RAB3C: variants seen among roughly 807,000 people sequenced by gnomAD.
RAB3C encodes the protein RAB3C, member RAS oncogene family.
Under a neutral mutation model 26.4 loss-of-function variants are expected in RAB3C, and 17 were observed. The observed-to-expected ratio is 0.64, with a 90% CI of 0.44 to 0.97. The LOEUF is 0.97. Among genes scored for constraint, RAB3C ranks in the 50% least tolerant of loss-of-function variants. RAB3C has a pLI of 0.00. For missense variants in RAB3C, 242 were observed against 281.9 expected (o/e 0.86, Z 1.01); for synonymous variants, 91 against 95.9 (o/e 0.95, Z 0.30).
At chr5:58,670,709 A>C (rs1011031445) in intron 2 of RAB3C, among the ~76,000 whole-genome samples, 2 of 152,208 alleles carry the variant, frequency 1.3e-5, no homozygotes, top group African/African-American at 4.8e-5. Flanking sequence ...TAACTGTTAA[A>C]GTACATTAAG....
chr5:58,653,569 C>A (rs1447475848), intron 2 of RAB3C, among the ~76,000 whole-genome samples: 1 of 152,126 alleles, frequency 6.6e-6, no homozygotes, highest in African/African-American at 2.4e-5. Flanking sequence ...CAATTATAGA[C>A]TGGATAAAGA....
intron 3 of RAB3C, among the ~76,000 whole-genome samples, chr5:58,742,289 G>A (rs1225969536): frequency 1.3e-5 from 2 of 152,106 alleles, no homozygotes; most frequent in Non-Finnish European, 2.9e-5. Context: ...TAGTGCTAAG[G>A]CCAGTATGAC....
intron 3 of RAB3C, among the ~76,000 whole-genome samples, chr5:58,745,392 C>CAAAAAAAA (rs1173604247): frequency 1.1e-3 from 36 of 33,106 alleles, no homozygotes; most frequent in African/African-American, 3.2e-3. Context: ...GACTCTGCTT[C>CAAAAAAAA]AAAAAAAAAA....
rs150876993 is a variant in RAB3C at position 58,729,110 on chromosome 5, A to G, written c.371+2990A>G. On this transcript the variant is annotated intron_variant, in intron 3 of 4. Coordinates refer to ENST00000282878, the MANE Select transcript of RAB3C (RefSeq NM_138453.4). ...ACACCCTCATCTCTGCACCCACACT[A>G]CCCTGGCACTTTCTGCAGATCACGT... is the stretch of plus-strand genomic sequence containing the variant. 3.2e-3 allele frequency among the ~76,000 whole-genome samples: 489 copies of G among 151,836 alleles called. 9 individuals carry two copies. The highest frequency in any genetic ancestry group is 0.026 in the East Asian group (135 of 5,144).
At chr5:58,823,644 C>G in intron 3 of RAB3C, 1 of 209,244 alleles carries the variant, frequency 4.8e-6, no homozygotes, top group South Asian at 9.2e-5. Flanking sequence ...GTCCCATGCC[C>G]AGAAGAAAGA....
intron 2 of RAB3C, among the ~76,000 whole-genome samples, chr5:58,711,663 G>T (rs533579649): frequency 1.7e-4 from 26 of 152,250 alleles, no homozygotes; most frequent in African/African-American, 6.3e-4. Context: ...GAAGATAGAT[G>T]ATATCATCAT....
chr5:58,691,138 C>T (rs1748562464), intron 2 of RAB3C, among the ~76,000 whole-genome samples: 1 of 151,932 alleles, frequency 6.6e-6, no homozygotes, highest in African/African-American at 2.4e-5. Flanking sequence ...TCTTTCAAGC[C>T]ACTAGTTCAT....
intron 1 of RAB3C, among the ~76,000 whole-genome samples, chr5:58,613,685 A>G (rs1246010631): frequency 6.6e-6 from 1 of 152,144 alleles, no homozygotes; most frequent in East Asian, 1.9e-4. Context: ...CAAGTGTGAT[A>G]AGATATAATG....
chr5:58,724,403 T>C (rs1042207955), intron 2 of RAB3C, among the ~76,000 whole-genome samples: 3 of 151,862 alleles, frequency 2.0e-5, no homozygotes, highest in Admixed American at 2.0e-4. Flanking sequence ...GCAGGTTTTT[T>C]TATTCCCATT....
At chr5:58,618,372 G>A (rs389117) in intron 2 of RAB3C, among the ~76,000 whole-genome samples, 100,294 of 152,080 alleles carry the variant, frequency 0.66, 33,980 homozygotes, top group African/African-American at 0.81. Flanking sequence ...TAGAACTTCA[G>A]AGATGGTCTA....
chr5:58,676,655 G>A (rs558826879), intron 2 of RAB3C, among the ~76,000 whole-genome samples: 61 of 152,210 alleles, frequency 4.0e-4, no homozygotes, highest in Admixed American at 1.8e-3. Flanking sequence ...CACCCCCTTA[G>A]CATGTCCTGC....
Position 58,655,940 on chromosome 5 carries a change from GCGCCCGCCACCACGC to G in RAB3C, c.252+38072_252+38086del, listed in dbSNP as rs758681826. Among the ~76,000 whole-genome samples, 9 of 151,986 alleles carry G rather than the reference GCGCCCGCCACCACGC, an allele frequency of 5.9e-5. No homozygotes were observed. The South Asian group carries it at 1.9e-3, about 32-fold the overall frequency. On this transcript the variant is annotated intron_variant, in intron 2 of 4. Transcript: ENST00000282878. Reference sequence around the variant, plus strand: ...CCTCTCCGAGTAGCTGGGACTACAGGCGCCCGCCACCACGCCCGGCTAATTTTTTTGTATTTTTAG... The same window carrying G: ...CCTCTCCGAGTAGCTGGGACTACAGGCCGGCTAATTTTTTTGTATTTTTAG...
intron 2 of RAB3C, among the ~76,000 whole-genome samples, chr5:58,664,773 A>T (rs1367725784): frequency 1.3e-5 from 2 of 152,104 alleles, no homozygotes; most frequent in African/African-American, 4.8e-5. Flanking sequence ...GTAGCTTCCC[A>T]TAATATACTA....
intron 4 of RAB3C, among the ~76,000 whole-genome samples, chr5:58,841,884 T>C (rs1743883288): frequency 6.6e-6 from 1 of 152,142 alleles, no homozygotes; most frequent in African/African-American, 2.4e-5. Flanking sequence ...CTTTGACAAA[T>C]CGTAGCTGTC....
At chr5:58,728,980 T>A (rs916995294) in intron 3 of RAB3C, among the ~76,000 whole-genome samples, 1 of 151,992 alleles carries the variant, frequency 6.6e-6, no homozygotes, top group Non-Finnish European at 1.5e-5. Flanking sequence ...AAAGTCTATT[T>A]ACTTTTCAAG....
intron 3 of RAB3C, among the ~76,000 whole-genome samples, chr5:58,778,829 A>G (rs927775208): frequency 1.3e-5 from 2 of 152,068 alleles, no homozygotes; most frequent in Non-Finnish European, 2.9e-5. Flanking sequence ...GACTCTTGCC[A>G]TTTCCACTCA....
At chr5:58,624,745 G>A (rs1262477973) in intron 2 of RAB3C, among the ~76,000 whole-genome samples, 1 of 152,180 alleles carries the variant, frequency 6.6e-6, no homozygotes, top group African/African-American at 2.4e-5. Context: ...TGTGAAGACA[G>A]TGGGATAAAG....
At position 58,724,667 on chromosome 5, in the gene RAB3C, T is replaced by A. The variant is rs151030361; in HGVS notation, c.253-1335T>A. Among the ~76,000 whole-genome samples the A allele has an allele frequency of 1.6e-3, 237 of 151,900 alleles. 3 individuals are homozygous for A. The East Asian group carries it at 0.025, about 16-fold the overall frequency. On this transcript the variant is annotated intron_variant, in intron 2 of 4. Transcript: ENST00000282878. Reference sequence around the variant, plus strand: ...AAGTAAACATATGTAGAAGGTACTTTGAGCGGGTTCTTTACCAAAAAAAGA... The same window carrying A: ...AAGTAAACATATGTAGAAGGTACTTAGAGCGGGTTCTTTACCAAAAAAAGA...
At chr5:58,743,257 G>C (rs1313559832) in intron 3 of RAB3C, among the ~76,000 whole-genome samples, 2 of 151,940 alleles carry the variant, frequency 1.3e-5, no homozygotes, top group East Asian at 3.9e-4. Flanking sequence ...ACTGTTTTTT[G>C]TTTTTGTTTT....
Sources: gnomAD v4.1 joint callset for allele counts (sites outside exome capture counted in the v4.1 genomes callset) on GRCh38, gnomAD v4.1.1 for gene constraint, MANE v1.5 for transcripts, NCBI Gene and HGNC (gene_info 2026-07-23, HGNC 2026-07-21) for gene names.